Variants in PRPF3 observed in about 807,000 individuals in gnomAD.
PRPF3 encodes the protein U4/U6 small nuclear ribonucleoprotein Prp3.
In PRPF3, 3 loss-of-function variants were observed where a neutral mutation model predicts 89.2. That is an observed-to-expected ratio of 0.03 (90% CI 0.02 to 0.09). PRPF3 has a LOEUF of 0.09. Ranked by LOEUF, PRPF3 falls within the 10% of genes least tolerant of loss-of-function variation. The pLI is 1.00. For synonymous variants in PRPF3, 270 were observed against 289.1 expected, an observed-to-expected ratio of 0.93 and a Z score of 0.67; for missense variants, 463 against 828.8, an observed-to-expected ratio of 0.56 and a Z score of 5.42.
intron 3 of PRPF3, among the ~76,000 whole-genome samples, chr1:150,326,416 T>C (rs1553863760): frequency 6.6e-6 from 1 of 152,190 alleles, no homozygotes; most frequent in East Asian, 1.9e-4. Flanking sequence ...GTGAAACACT[T>C]GGAGGAGTTG....
intron 14 of PRPF3, 125 bp from the exon 15 acceptor site, chr1:150,349,032 A>G (rs1658620140): frequency 3.6e-6 from 3 of 831,146 alleles, no homozygotes; most frequent in Non-Finnish European, 6.2e-6. Flanking sequence ...AGCAACAGAA[A>G]AGAGAACACT....
At chr1:150,349,653 A>C (rs1019118596) in intron 15 of PRPF3, among the ~76,000 whole-genome samples, 1 of 152,180 alleles carries the variant, frequency 6.6e-6, no homozygotes, top group Non-Finnish European at 1.5e-5. Flanking sequence ...CTTAATGTCA[A>C]ATTCTGTTGC....
intron 15 of PRPF3, among the ~76,000 whole-genome samples, chr1:150,351,291 G>T (rs1228399192): frequency 6.6e-6 from 1 of 151,976 alleles, no homozygotes; most frequent in Non-Finnish European, 1.5e-5. Context: ...CCTATTCGCT[G>T]ATCTCTTCAG....
chr1:150,338,357 A>T (rs782564048), intron 8 of PRPF3, 31 bp downstream of exon 8: 2 of 1,603,290 alleles, frequency 1.2e-6, no homozygotes, highest in Non-Finnish European at 1.7e-6. Context: ...TTTTAAAAAA[A>T]CAGTTTTTAA....
rs782644120 is a variant in PRPF3, at chr1:150,335,132, C to T, written c.926C>T (p.Thr309Ile). 2.5e-5 allele frequency: 40 copies of T among 1,614,018 alleles called. No individual in the cohort carries two copies. Among genetic ancestry groups the T allele is most frequent in the Non-Finnish European group, 3.4e-5 (40 of 1,179,962 alleles). ...CCATCAGAAGACATGGAATCCAATA[C>T]CTTTTTTGACCCCCGAGTCTCCATT... is the stretch of plus-strand genomic sequence containing the variant. ...EKPSEDMESN[T>I]FFDPRVSIAP... is the part of the protein sequence containing the mutation. Residue 309 changes from threonine to isoleucine, a missense_variant, in exon 7 of 16, where the codon ACC becomes ATC. Physicochemically the swap from Thr to Ile is moderately conservative, Grantham distance 89. Transcript: ENST00000324862.
chr1:150,334,053 C>G (rs1656710472), intron 6 of PRPF3, among the ~76,000 whole-genome samples: 1 of 151,972 alleles, frequency 6.6e-6, no homozygotes, highest in African/African-American at 2.4e-5. Context: ...ACCTGTAATC[C>G]CAGCACTTTG....
chr1:150,343,537 T>G (rs1657997967), intron 10 of PRPF3, 85 bp downstream of exon 10: 5 of 1,525,154 alleles, frequency 3.3e-6, no homozygotes, highest in Non-Finnish European at 4.5e-6. Flanking sequence ...TCTCTGTGTT[T>G]GAGTGATTTC....
intron 14 of PRPF3, among the ~76,000 whole-genome samples, chr1:150,347,989 G>T (rs920302218): frequency 6.6e-6 from 1 of 152,106 alleles, no homozygotes; most frequent in African/African-American, 2.4e-5. Flanking sequence ...TGTAAGTCAA[G>T]GACTGTCTGT....
chr1:150,350,727 G>A (rs1010362885), intron 15 of PRPF3, among the ~76,000 whole-genome samples: 2 of 152,150 alleles, frequency 1.3e-5, no homozygotes, highest in Non-Finnish European at 2.9e-5. Context: ...TTGGGAGGAT[G>A]AGGTGGTTGG....
Position 150,327,565 on chromosome 1 carries a change from G to A in PRPF3, c.277-755G>A, listed in dbSNP as rs1655868766. The A allele has an allele frequency of 7.1e-6, 7 of 985,626 alleles. No individual in the cohort carries two copies. The South Asian group carries it at 2.8e-4, about 40-fold the overall frequency. 61.1% of individuals were successfully genotyped at this position (985,626 alleles called of 1,614,324 possible). On this transcript the variant is annotated intron_variant, in intron 3 of 15. Coordinates refer to ENST00000324862, the MANE Select transcript of PRPF3 (RefSeq NM_004698.4). ...TTTTTCTTGAACTGTAGGAGTTCCAGGAAGCGCTCGCCCCTGGCCGAGGAT... is the reference window on the plus strand; with the variant it reads ...TTTTTCTTGAACTGTAGGAGTTCCAAGAAGCGCTCGCCCCTGGCCGAGGAT...
At chr1:150,348,877 T>C in intron 14 of PRPF3, 1 of 429,980 alleles carries the variant, frequency 2.3e-6, no homozygotes, top group South Asian at 2.4e-5. Context: ...GACAAGTTTT[T>C]ATTCTTGACT....
At chr1:150,332,513 T>C (rs1553865872) in intron 4 of PRPF3, among the ~76,000 whole-genome samples, 171 bp from the exon 5 acceptor site, 2 of 152,244 alleles carry the variant, frequency 1.3e-5, no homozygotes, top group Non-Finnish European at 2.9e-5. Context: ...AAAATTCCAG[T>C]GCTCACTTAT....
rs1247937760 is a variant in PRPF3, at chr1:150,344,285, A to G, written c.1526+24A>G. 3.1e-6 allele frequency: 5 copies of G among 1,613,948 alleles called. No individual in the cohort carries two copies. In the African/African-American group the frequency reaches 4.0e-5, roughly 13 times the overall value. On this transcript the variant is annotated intron_variant, in intron 11 of 15. Coordinates refer to ENST00000324862, the MANE Select transcript of PRPF3 (RefSeq NM_004698.4). ...AAGTAAGTGCCATGGGATTGGGTGGAAACCTCGGGCAAGTACCTTTCCCAA... is the reference window on the plus strand; with the variant it reads ...AAGTAAGTGCCATGGGATTGGGTGGGAACCTCGGGCAAGTACCTTTCCCAA...
chr1:150,346,366 A>G (rs1366093097), intron 13 of PRPF3, 42 bp from the exon 14 acceptor site: 6 of 1,569,214 alleles, frequency 3.8e-6, no homozygotes, highest in Non-Finnish European at 4.4e-6. Context: ...CTACCCCATC[A>G]TCTTCCACAG....
chr1:150,340,264 TA>T (rs1300216821), intron 8 of PRPF3, 133 bp from the exon 9 acceptor site: 3 of 690,586 alleles, frequency 4.3e-6, no homozygotes, highest in Non-Finnish European at 7.8e-6. Context: ...TTTAGGTACC[TA>T]AATGCTATTT....
At chr1:150,324,059 G>A (rs1476600686) in intron 1 of PRPF3, among the ~76,000 whole-genome samples, 4 of 152,034 alleles carry the variant, frequency 2.6e-5, no homozygotes, top group Non-Finnish European at 4.4e-5. Context: ...GATTACAGGC[G>A]TGAGCCACCG....
In PRPF3 at chr1:150,336,751, G is replaced by A. The variant is rs1046023164; in HGVS notation, c.1036-1409G>A. 5.3e-5 allele frequency among the ~76,000 whole-genome samples: 8 copies of A among 151,468 alleles called. No individual in the cohort carries two copies. The South Asian group carries it at 1.0e-3, about 20-fold the overall frequency. On this transcript the variant is annotated intron_variant, in intron 7 of 15. Coordinates refer to ENST00000324862, the MANE Select transcript of PRPF3 (RefSeq NM_004698.4). The stretch of plus-strand genomic sequence containing the variant: ...AGCATGGGCAAAAGAGCGAAACTCC[G>A]TCTCAAAAAATATATATATATATTT...
At chr1:150,329,032 GTAA>G in intron 4 of PRPF3, among the ~76,000 whole-genome samples, 1 of 147,646 alleles carries the variant, frequency 6.8e-6, no homozygotes. Flanking sequence ...AGCATTTGGG[GTAA>G]ACTTTTTTTT....
At chr1:150,328,034 A>G in intron 3 of PRPF3, 1 of 400,704 alleles carries the variant, frequency 2.5e-6, no homozygotes, top group Admixed American at 3.9e-5. Context: ...GTTGTGGAAA[A>G]GTTGAGAGAA....
Sources: gnomAD v4.1 joint callset for allele counts (sites outside exome capture counted in the v4.1 genomes callset) on GRCh38, gnomAD v4.1.1 for gene constraint, MANE v1.5 for transcripts, NCBI Gene and HGNC (gene_info 2026-07-23, HGNC 2026-07-21) for gene names.